CIMAP1D: variants seen among roughly 807,000 people sequenced by gnomAD.
The protein encoded by CIMAP1D is protein CIMAP1D.
the CIMAP1D span, chr19:467,780 G>C: frequency 6.8e-7 from 1 of 1,469,618 alleles, no homozygotes; most frequent in Non-Finnish European, 9.3e-7. Flanking sequence ...GAGGAGCCCA[G>C]AGTGCTGAGA....
chr19:489,555 G>T, the CIMAP1D span: 1 of 153,674 alleles, frequency 6.5e-6, no homozygotes, highest in African/African-American at 2.4e-5. Context: ...GCCCAGCCCC[G>T]CATCCTCCCC....
chr19:464,771 T>TC, the CIMAP1D span, among the ~76,000 whole-genome samples: 2 of 152,114 alleles, frequency 1.3e-5, no homozygotes, highest in Non-Finnish European at 2.9e-5. Context: ...TCAAATTTAC[T>TC]CCAACTCTCC....
At chr19:472,380 C>T in the CIMAP1D span, 1 of 1,441,372 alleles carries the variant, frequency 6.9e-7, no homozygotes, top group Non-Finnish European at 9.2e-7. Context: ...CAGCCGCCCA[C>T]TCGCCCGCCT....
the CIMAP1D span, among the ~76,000 whole-genome samples, chr19:481,022 G>A: frequency 3.3e-5 from 5 of 149,880 alleles, no homozygotes; most frequent in Non-Finnish European, 7.4e-5. Context: ...GAATGATGAT[G>A]GAGAAGGAAT....
chr19:464,093 G>A, the CIMAP1D span: 146 of 1,334,056 alleles, frequency 1.1e-4, no homozygotes, highest in Middle Eastern at 6.8e-4. Flanking sequence ...CCGGGCTGTC[G>A]TACTGGCCCG....
At chr19:477,591 T>TA in the CIMAP1D span, among the ~76,000 whole-genome samples, 2 of 142,842 alleles carry the variant, frequency 1.4e-5, 1 homozygote, top group Middle Eastern at 6.4e-3. Context: ...CACGTCAAAA[T>TA]CAAAAAAAAG....
the CIMAP1D span, among the ~76,000 whole-genome samples, chr19:478,566 C>T: frequency 1.3e-5 from 2 of 152,272 alleles, no homozygotes; most frequent in Non-Finnish European, 2.9e-5. Flanking sequence ...ATTCTATCAA[C>T]TCTGTCTTCA....
At chr19:487,860 G>A in the CIMAP1D span, among the ~76,000 whole-genome samples, 2 of 152,300 alleles carry the variant, frequency 1.3e-5, no homozygotes, top group Admixed American at 1.3e-4. Flanking sequence ...ACAGCCCGGC[G>A]CTGTGCCCTG....
the CIMAP1D span, chr19:489,518 G>C: frequency 6.5e-6 from 1 of 152,710 alleles, no homozygotes; most frequent in Non-Finnish European, 1.5e-5. Context: ...CCCGCTCTCC[G>C]TCCTCCCTGC....
the CIMAP1D span, among the ~76,000 whole-genome samples, chr19:486,169 C>A: frequency 6.6e-6 from 1 of 152,140 alleles, no homozygotes; most frequent in Non-Finnish European, 1.5e-5. Context: ...ACGAGGACAC[C>A]GAAGCTCAGA....
At chr19:489,114 G>A in the CIMAP1D span, 1 of 151,728 alleles carries the variant, frequency 6.6e-6, no homozygotes, top group East Asian at 1.9e-4. Flanking sequence ...GGGGCCGCGC[G>A]GGAGCTGCCG....
At chr19:472,936 A>C in the CIMAP1D span, among the ~76,000 whole-genome samples, 3 of 103,954 alleles carry the variant, frequency 2.9e-5, no homozygotes, top group East Asian at 8.0e-4. Flanking sequence ...CTAGGCAGAG[A>C]TACATGGTCA....
chr19:464,164 T>C, the CIMAP1D span: 1 of 1,501,452 alleles, frequency 6.7e-7, no homozygotes. Flanking sequence ...CCCACCACCG[T>C]GTAGCTGGGG....
At chr19:471,690 G>C in the CIMAP1D span, among the ~76,000 whole-genome samples, 1 of 151,292 alleles carries the variant, frequency 6.6e-6, no homozygotes, top group African/African-American at 2.4e-5. Context: ...CCTGTATGGA[G>C]TCTGTTATTA....
chr19:463,898 G>A, the CIMAP1D span: 208 of 1,611,172 alleles, frequency 1.3e-4, 1 homozygote, highest in Middle Eastern at 3.5e-4. Flanking sequence ...GCGTGGTGGC[G>A]GCCATGGTGC....
the CIMAP1D span, chr19:464,038 C>A: frequency 6.3e-7 from 1 of 1,599,394 alleles, no homozygotes; most frequent in African/African-American, 1.3e-5. Context: ...CGGGGCCGCC[C>A]CAGCATGGTG....
chr19:488,726 C>T, the CIMAP1D span, among the ~76,000 whole-genome samples: 4 of 151,760 alleles, frequency 2.6e-5, no homozygotes, highest in Non-Finnish European at 5.9e-5. Context: ...CCCCGACCCC[C>T]GCAGCGAGCC....
the CIMAP1D span, among the ~76,000 whole-genome samples, chr19:479,420 G>A: frequency 1.4e-5 from 2 of 146,146 alleles, no homozygotes; most frequent in African/African-American, 5.0e-5. Context: ...TTGGGGGGGG[G>A]GGGGATGGAG....
chr19:475,986 ATTTTTTTTTT>A, the CIMAP1D span, among the ~76,000 whole-genome samples: 14 of 39,268 alleles, frequency 3.6e-4, no homozygotes, highest in East Asian at 1.0e-3. Flanking sequence ...CGCCTGGCTA[ATTTTTTTTTT>A]TTTTTTTTTT....
Sources: allele counts gnomAD v4.1 joint callset (sites outside exome capture counted in the v4.1 genomes callset), GRCh38; gene constraint gnomAD v4.1.1; transcripts MANE v1.5; gene names NCBI Gene and HGNC (gene_info 2026-07-23, HGNC 2026-07-21).